The following SH3RF3 variants were observed in gnomAD, a reference collection of about 807,000 sequenced individuals.
SH3RF3 encodes E3 ubiquitin-protein ligase SH3RF3.
A neutral mutation model predicts 66.3 loss-of-function variants in SH3RF3; 29 were observed. That is an observed-to-expected ratio of 0.44 (90% CI 0.33 to 0.60). The LOEUF is 0.60. Among genes scored for constraint, SH3RF3 ranks in the 20% least tolerant of loss-of-function variants. SH3RF3 has a pLI of 0.04. For missense variants in SH3RF3, 1,194 were observed against 1,190.9 expected (o/e 1.00, Z -0.04); for synonymous variants, 583 against 532.0 (o/e 1.10, Z -1.32).
At chr2:109,412,860 G>A (rs1003681862) in intron 4 of SH3RF3, among the ~76,000 whole-genome samples, 1 of 152,200 alleles carries the variant, frequency 6.6e-6, no homozygotes, top group Admixed American at 6.5e-5. Context: ...GAAAATACAC[G>A]TATCACTGTC....
In SH3RF3 at chr2:109,398,727, G is replaced by A; in HGVS notation, c.1083G>A (p.Gly361=). ...VAPSPTLSSS[G]AVSAFQRRVD... The stretch of plus-strand genomic sequence containing the variant: ...CAAGTCCCACTTTAAGCAGCTCAGG[G>A]GCGGTCAGTGCCTTTCAGCGGCGTG... The change falls in exon 4 of 10, where the codon GGG becomes GGA. Residue 361 remains glycine, a synonymous_variant. Transcript: ENST00000309415. 1.9e-6 allele frequency: 3 copies of A among 1,613,282 alleles called. No homozygotes were observed. The highest frequency in any genetic ancestry group is 2.5e-6 in the Non-Finnish European group (3 of 1,179,666).
At chr2:109,321,166 C>T (rs747221806) in intron 1 of SH3RF3, among the ~76,000 whole-genome samples, 2 of 152,362 alleles carry the variant, frequency 1.3e-5, no homozygotes, top group East Asian at 1.9e-4. Context: ...ACCTCTCAAA[C>T]GCTTCTTTGC....
At chr2:109,193,047 G>T (rs1343520206) in intron 1 of SH3RF3, among the ~76,000 whole-genome samples, 1 of 152,186 alleles carries the variant, frequency 6.6e-6, no homozygotes, top group African/African-American at 2.4e-5. Context: ...ATGTCAATGT[G>T]CCAAGAAATT....
At chr2:109,363,635 C>T (rs1467323657) in intron 2 of SH3RF3, among the ~76,000 whole-genome samples, 2 of 152,134 alleles carry the variant, frequency 1.3e-5, no homozygotes, top group East Asian at 3.8e-4. Flanking sequence ...AAAAACAGTT[C>T]TTGCAAGGCA....
At chr2:109,239,149 A>G (rs1241908430) in intron 1 of SH3RF3, among the ~76,000 whole-genome samples, 1 of 152,136 alleles carries the variant, frequency 6.6e-6, no homozygotes, top group Non-Finnish European at 1.5e-5. Context: ...CTCTGTGAGC[A>G]CTTTGAGCTT....
At chr2:109,459,612 C>T (rs574326179) in intron 8 of SH3RF3, among the ~76,000 whole-genome samples, 4 of 152,266 alleles carry the variant, frequency 2.6e-5, no homozygotes, top group African/African-American at 9.6e-5. Flanking sequence ...CAGTTTCCCA[C>T]GGTGGTCAGG....
intron 1 of SH3RF3, among the ~76,000 whole-genome samples, chr2:109,311,369 A>G (rs577733506): frequency 8.1e-4 from 101 of 124,680 alleles, no homozygotes; most frequent in Middle Eastern, 3.5e-3. Context: ...ATCTATGACA[A>G]ACCCACAGCC....
chr2:109,213,766 G>A (rs1252004540), intron 1 of SH3RF3, among the ~76,000 whole-genome samples: 1 of 152,224 alleles, frequency 6.6e-6, no homozygotes, highest in African/African-American at 2.4e-5. Flanking sequence ...ATAGGAACGT[G>A]ACGTGGTCTC....
intron 3 of SH3RF3, among the ~76,000 whole-genome samples, chr2:109,393,493 CAG>C (rs1294793930): frequency 6.6e-6 from 1 of 152,200 alleles, no homozygotes; most frequent in African/African-American, 2.4e-5. Flanking sequence ...GAAACTCTTT[CAG>C]AGCAGGTCTT....
Position 109,254,071 on chromosome 2 carries a change from T to C in SH3RF3, c.574-93603T>C, listed in dbSNP as rs1202948546. On this transcript the variant is annotated intron_variant, in intron 1 of 9. Coordinates refer to ENST00000309415, the MANE Select transcript of SH3RF3 (RefSeq NM_001099289.3). ...TAGATTTGTCTTGAAGGGGTGCTTT[T>C]TCTGACCCACATGAGAATTTCCCTG... Among the ~76,000 whole-genome samples the C allele has an allele frequency of 2.0e-5, 3 of 152,056 alleles. No homozygotes were observed. In the East Asian group the frequency reaches 5.9e-4, roughly 30 times the overall value.
intron 7 of SH3RF3, among the ~76,000 whole-genome samples, chr2:109,437,874 G>A (rs143054745): frequency 2.0e-5 from 3 of 152,274 alleles, no homozygotes; most frequent in African/African-American, 7.2e-5. Flanking sequence ...GGATGATCTG[G>A]GAGCCCATGC....
intron 3 of SH3RF3, among the ~76,000 whole-genome samples, chr2:109,386,030 C>T (rs997066207): frequency 6.6e-6 from 1 of 152,140 alleles, no homozygotes; most frequent in African/African-American, 2.4e-5. Context: ...TTGGATCCAG[C>T]TGAGGGATGA....
At chr2:109,285,938 C>T (rs78758651) in intron 1 of SH3RF3, among the ~76,000 whole-genome samples, 1,942 of 152,302 alleles carry the variant, frequency 0.013, 15 homozygotes, top group Non-Finnish European at 0.02. Flanking sequence ...CGGTTTTCCT[C>T]TTTTCTGCCC....
At chr2:109,149,558 TGTTAAGGCAGCC>T (rs1238726242) in intron 1 of SH3RF3, among the ~76,000 whole-genome samples, 6 of 152,032 alleles carry the variant, frequency 3.9e-5, no homozygotes, top group African/African-American at 1.5e-4. Context: ...AGAGCAAGTG[TGTTAAGGCAGCC>T]GTCCCTGGGT....
chr2:109,210,040 C>G (rs559426508), intron 1 of SH3RF3, among the ~76,000 whole-genome samples: 1 of 152,278 alleles, frequency 6.6e-6, no homozygotes, highest in East Asian at 1.9e-4. Flanking sequence ...TTCTAGGGAC[C>G]GCAGAGTCAA....
At chr2:109,188,152 C>T (rs775072652) in intron 1 of SH3RF3, among the ~76,000 whole-genome samples, 6 of 152,244 alleles carry the variant, frequency 3.9e-5, no homozygotes, top group Admixed American at 1.3e-4. Context: ...TGACTTACAG[C>T]AGTGTATTGA....
chr2:109,140,806 T>A (rs1009910421), intron 1 of SH3RF3, among the ~76,000 whole-genome samples: 1 of 152,250 alleles, frequency 6.6e-6, no homozygotes, highest in African/African-American at 2.4e-5. Flanking sequence ...ACATCTCCTC[T>A]GTGTCCCCAA....
chr2:109,153,152 G>A (rs1677262107), intron 1 of SH3RF3, among the ~76,000 whole-genome samples: 1 of 152,184 alleles, frequency 6.6e-6, no homozygotes, highest in Non-Finnish European at 1.5e-5. Flanking sequence ...TATTTCAATG[G>A]AACAGAACCA....
At chr2:109,299,312 T>C (rs1681400303) in intron 1 of SH3RF3, among the ~76,000 whole-genome samples, 1 of 152,356 alleles carries the variant, frequency 6.6e-6, no homozygotes, top group South Asian at 2.1e-4. Context: ...AGATGAAAAT[T>C]TGAAGCTTGC....
Sources: gnomAD v4.1 joint callset for allele counts (sites outside exome capture counted in the v4.1 genomes callset) on GRCh38, gnomAD v4.1.1 for gene constraint, MANE v1.5 for transcripts, NCBI Gene and HGNC (gene_info 2026-07-23, HGNC 2026-07-21) for gene names.